The following TMPRSS9 variants were observed in gnomAD, a reference collection of about 807,000 sequenced individuals.
TMPRSS9 encodes transmembrane serine protease 9.
In TMPRSS9, 113 loss-of-function variants were observed where a neutral mutation model predicts 111.4. That is an observed-to-expected ratio of 1.01 (90% confidence interval 0.87 to 1.19). The LOEUF is 1.19. TMPRSS9 is among the 50% of genes most tolerant of loss of function. TMPRSS9 has a pLI of 0.00. For missense variants in TMPRSS9, 1,803 were observed against 1,513.1 expected (o/e 1.19, Z -3.18); for synonymous variants, 805 against 659.1 (o/e 1.22, Z -3.39).
upstream of TMPRSS9, among the ~76,000 whole-genome samples, chr19:2,387,213 G>T (rs1482133232): frequency 6.6e-6 from 1 of 151,998 alleles, no homozygotes; most frequent in African/African-American, 2.4e-5. Context: ...AGAAAAGTGA[G>T]GCTGGGTGAG....
chr19:2,372,239 C>T (rs1051086916), intron 1 of TMPRSS9, among the ~76,000 whole-genome samples: 6 of 152,158 alleles, frequency 3.9e-5, no homozygotes, highest in African/African-American at 1.2e-4. Context: ...TTTCCTGTCA[C>T]GCAGGCGGGC....
At chr19:2,384,457 C>A (rs1446047969) in intron 1 of TMPRSS9, among the ~76,000 whole-genome samples, 1 of 152,054 alleles carries the variant, frequency 6.6e-6, no homozygotes. Flanking sequence ...GAGCAGATCA[C>A]CCGGGGTCAG....
intron 1 of TMPRSS9, among the ~76,000 whole-genome samples, chr19:2,379,176 TTTCTC>T (rs1335769661): frequency 1.2e-3 from 162 of 131,576 alleles, no homozygotes; most frequent in African/African-American, 4.7e-3. Context: ...CCTGAGCTTC[TTTCTC>T]TTTTTTTTTT....
exon 16 of TMPRSS9, chr19:2,425,102 T>G: frequency 6.3e-7 from 1 of 1,583,944 alleles, no homozygotes; most frequent in East Asian, 2.3e-5. Context: ...CAAGCACCCG[T>G]TCTACAATCT....
rs1228876784 is a variant in TMPRSS9 at position 2,416,812 on chromosome 19, G to A, written c.2017+3G>A. 2.5e-6 allele frequency: 4 copies of A among 1,605,338 alleles called. No individual in the cohort carries two copies. The South Asian group carries it at 4.4e-5, about 18-fold the overall frequency. On this transcript the variant is annotated splice_donor_region_variant and intron_variant, in intron 12 of 17. Coordinates refer to ENST00000648592, the Ensembl canonical transcript of TMPRSS9. The stretch of plus-strand genomic sequence containing the variant: ...GGGAAATACGCAGGAAGGAAATGGT[G>A]AGCGCTGCCCCATCGAGGGGAACGG...
intron 1 of TMPRSS9, 34 bp from the exon 3 acceptor site, chr19:2,396,505 T>C: frequency 6.4e-7 from 1 of 1,559,684 alleles, no homozygotes; most frequent in East Asian, 2.4e-5. Context: ...CCCCCAAAGG[T>C]GGGCTCTCTC....
At chr19:2,416,012 CA>C (rs1160494182) in intron 11 of TMPRSS9, among the ~76,000 whole-genome samples, 171 bp downstream of exon 12, 1 of 152,128 alleles carries the variant, frequency 6.6e-6, no homozygotes, top group African/African-American at 2.4e-5. Context: ...CTTCTAAGGA[CA>C]AACAGGGCCT....
chr19:2,392,645 C>T (rs1970622335), intron 1 of TMPRSS9, among the ~76,000 whole-genome samples: 1 of 152,190 alleles, frequency 6.6e-6, no homozygotes, highest in African/African-American at 2.4e-5. Context: ...ATTGTATATG[C>T]ACCAGTGAAC....
chr19:2,385,159 A>AGCTCGCGGGGGCGGAGCTCGCGGG (rs1568172919), upstream of TMPRSS9, among the ~76,000 whole-genome samples: 1 of 29,444 alleles, frequency 3.4e-5, no homozygotes, highest in African/African-American at 9.1e-5. Context: ...GAGCTCGCGG[A>AGCTCGCGGGGGCGGAGCTCGCGGG]GGGCGGGGCT....
At chr19:2,401,764 C>T (rs1970853449) in intron 4 of TMPRSS9, among the ~76,000 whole-genome samples, 1 of 151,658 alleles carries the variant, frequency 6.6e-6, no homozygotes, top group Non-Finnish European at 1.5e-5. Flanking sequence ...CCCGGCACCA[C>T]ACCCGTCTAA....
intron 8 of TMPRSS9, 84 bp downstream of exon 9, chr19:2,408,714 C>T (rs1005593319): frequency 1.1e-5 from 17 of 1,517,910 alleles, no homozygotes; most frequent in African/African-American, 5.5e-5. Flanking sequence ...AGGTGGCTCA[C>T]GCCTGTCATC....
chr19:2,403,232 T>G, intron 6 of TMPRSS9, 37 bp downstream of exon 7: 1 of 1,533,682 alleles, frequency 6.5e-7, no homozygotes, highest in Non-Finnish European at 8.9e-7. Flanking sequence ...CTGGGCCCCT[T>G]CCCTTTTCCA....
intron 14 of TMPRSS9, among the ~76,000 whole-genome samples, chr19:2,422,634 C>G (rs2145417568): frequency 6.6e-6 from 1 of 151,978 alleles, no homozygotes; most frequent in East Asian, 1.9e-4. Flanking sequence ...GCCTGTAATC[C>G]CAGCACTTTG....
At chr19:2,423,457 T>G (rs1971511730) in intron 14 of TMPRSS9, among the ~76,000 whole-genome samples, 1 of 35,854 alleles carries the variant, frequency 2.8e-5, no homozygotes, top group Non-Finnish European at 5.3e-5. Flanking sequence ...GGATGGCGGT[T>G]GGTGGGGGGT....
intron 1 of TMPRSS9, among the ~76,000 whole-genome samples, chr19:2,374,050 G>A (rs1970310637): frequency 6.6e-6 from 1 of 152,032 alleles, no homozygotes; most frequent in African/African-American, 2.4e-5. Context: ...GAGTCTAGAA[G>A]TTTCTGTACA....
chr19:2,420,770 C>T (rs764581773), intron 13 of TMPRSS9, among the ~76,000 whole-genome samples: 4 of 152,144 alleles, frequency 2.6e-5, no homozygotes, highest in Non-Finnish European at 4.4e-5. Flanking sequence ...CTTGCATAGT[C>T]TTTTCTTCCT....
chr19:2,366,176 TC>T (rs1970246765), intron 1 of TMPRSS9, among the ~76,000 whole-genome samples: 1 of 151,846 alleles, frequency 6.6e-6, no homozygotes, highest in Non-Finnish European at 1.5e-5. Flanking sequence ...TGAGACCCTG[TC>T]TCTACCAAAA....
intron 1 of TMPRSS9, among the ~76,000 whole-genome samples, chr19:2,380,841 C>G (rs11668078): frequency 2.6e-5 from 4 of 152,286 alleles, no homozygotes; most frequent in Admixed American, 6.6e-5. Context: ...ATAGCCTTGA[C>G]TTCCTTACTT....
At chr19:2,390,814 C>T (rs1324297521) in intron 1 of TMPRSS9, among the ~76,000 whole-genome samples, 1 of 151,472 alleles carries the variant, frequency 6.6e-6, no homozygotes. Flanking sequence ...GATCGCACCA[C>T]TGCACTCCAG....
Sources: gnomAD v4.1 joint callset for allele counts (sites outside exome capture counted in the v4.1 genomes callset) on GRCh38, gnomAD v4.1.1 for gene constraint, MANE v1.5 for transcripts, NCBI Gene and HGNC (gene_info 2026-07-23, HGNC 2026-07-21) for gene names.